The following CARMIL3 variants were observed in gnomAD, a reference collection of about 807,000 sequenced individuals.
CARMIL3 encodes the protein capping protein regulator and myosin 1 linker 3.
CARMIL3 carries 88 observed loss-of-function variants against 180.8 expected under a neutral mutation model. The ratio of observed to expected loss-of-function variants is 0.49; its 90% CI spans 0.41 to 0.58. The LOEUF is 0.58. CARMIL3 is among the 20% of genes least tolerant of loss of function. The pLI is 0.00. For missense variants in CARMIL3, 1,548 were observed against 1,787.0 expected (o/e 0.87, Z 2.41); for synonymous variants, 696 against 714.5 (o/e 0.97, Z 0.41).
intron 24 of CARMIL3, 90 bp from the exon 25 acceptor site, chr14:24,060,538 G>C: frequency 6.5e-7 from 1 of 1,539,216 alleles, no homozygotes; most frequent in Non-Finnish European, 8.8e-7. Context: ...ACCACTGTCG[G>C]TGCCAGCACC....
Position 24,068,778 on chromosome 14 carries a change from T to G in CARMIL3, c.3802-8T>G. 1 of 1,614,056 alleles carries G rather than the reference T, an allele frequency of 6.2e-7. No individual in the cohort carries two copies. The highest frequency in any genetic ancestry group is 8.5e-7 in the Non-Finnish European group (1 of 1,180,026). On this transcript the variant is annotated splice_region_variant and splice_polypyrimidine_tract_variant and intron_variant, in intron 37 of 39. Coordinates refer to ENST00000342740, the MANE Select transcript of CARMIL3 (RefSeq NM_138360.4). ...CTAACTGACCCAGCATCTTCCTTCC[T>G]CTGCCAGCTACAGGACCCCGCTCTA...
At chr14:24,062,664 G>T in intron 28 of CARMIL3, 45 bp from the exon 29 acceptor site, 3 of 1,611,386 alleles carry the variant, frequency 1.9e-6, no homozygotes, top group Non-Finnish European at 2.5e-6. Flanking sequence ...GCCCTGGGAG[G>T]TGGGCAGCTT....
At chr14:24,055,866 C>A in intron 10 of CARMIL3, 77 bp downstream of exon 10, 1 of 1,327,108 alleles carries the variant, frequency 7.5e-7, no homozygotes, top group Non-Finnish European at 1.1e-6. Flanking sequence ...GAGCATGATG[C>A]AGGCCTCTGG....
intron 29 of CARMIL3, 104 bp from the exon 30 acceptor site, chr14:24,063,015 GC>G: frequency 6.5e-7 from 1 of 1,550,292 alleles, no homozygotes; most frequent in Non-Finnish European, 8.8e-7. Context: ...CAGTGCCTCA[GC>G]CCCCTGAGGA....
chr14:24,061,445 A>T lies in CARMIL3; in HGVS notation c.2305-52A>T. 6.4e-7 allele frequency: 1 copy of T among 1,564,594 alleles called. No individual in the cohort carries two copies. Among genetic ancestry groups the T allele is most frequent in the Non-Finnish European group, 8.7e-7 (1 of 1,149,248 alleles). On this transcript the variant is annotated intron_variant, in intron 26 of 39. Transcript: ENST00000342740. The surrounding 1 kb of genome is among the most constrained non-coding windows in gnomAD (Gnocchi z 4.1). ...ATAAAGTCTCTTCTGCTGTGGTGCC[A>T]GCCCTGATCCTGTCCCCCTTGGGCC...
chr14:24,056,211 C>A, intron 10 of CARMIL3, 88 bp from the exon 11 acceptor site: 1 of 1,093,126 alleles, frequency 9.1e-7, no homozygotes, highest in Non-Finnish European at 1.3e-6. Context: ...CAGCCCCAGC[C>A]AGGCAGTCAG....
At chr14:24,062,901 T>C (rs2035746836) in intron 29 of CARMIL3, 55 bp downstream of exon 29, 2 of 1,564,160 alleles carry the variant, frequency 1.3e-6, no homozygotes, top group Admixed American at 1.8e-5. Context: ...CCCTTAAACC[T>C]GCACAACACT....
rs1400421556 is a variant in CARMIL3 at position 24,054,101 on chromosome 14, G to A, written c.149G>A (p.Trp50Ter). The A allele has an allele frequency of 6.2e-7, 1 of 1,613,792 alleles. No homozygotes were observed. Among genetic ancestry groups the A allele is most frequent in the Non-Finnish European group, 8.5e-7 (1 of 1,180,024 alleles). Residue 50 changes from tryptophan (W) to a stop codon, truncating the protein, a stop_gained, in exon 3 of 40, where the codon TGG (tryptophan) becomes TAG (stop). Transcript: ENST00000342740. LOFTEE classifies it high-confidence loss of function. The surrounding 1 kb of genome is among the most constrained non-coding windows in gnomAD (Gnocchi z 5.1). ...FEDRVLALTSWRLHLFLLKVP... is the reference protein window; with the variant it reads ...FEDRVLALTS The stretch of plus-strand genomic sequence containing the variant: ...CTCTCTCTGTAGGCCCTGACCTCCT[G>A]GCGCCTCCACCTCTTCCTCCTTAAA...
At chr14:24,069,046 G>A (rs2035826813) in intron 38 of CARMIL3, 80 bp downstream of exon 38, 2 of 1,587,646 alleles carry the variant, frequency 1.3e-6, no homozygotes, top group Admixed American at 3.4e-5. Flanking sequence ...TCCAGAGCAT[G>A]GAATGAGTGA....
In CARMIL3 at chr14:24,065,228, C is replaced by T. The variant is rs2035774344; in HGVS notation, c.3351C>T (p.Leu1117=). The change falls in exon 33 of 40, where the codon CTC becomes CTT. Residue 1117 remains leucine (L), a synonymous_variant. Transcript: ENST00000342740. ...CWSPEEESSL[L]PGFGGGRGPS... ...GCCCAGAGGAGGAGAGCAGCCTCCT[C>T]CCTGGATTTGGTGGGGGCCGGGGAC... 2 of 1,554,012 alleles carry T rather than the reference C, an allele frequency of 1.3e-6. No homozygotes were observed. Among genetic ancestry groups the T allele is most frequent in the Non-Finnish European group, 8.6e-7 (1 of 1,157,190 alleles).
In CARMIL3 at chr14:24,058,361, CCT is replaced by C; in HGVS notation, c.1392+141_1392+142del. The C allele has an allele frequency of 2.2e-6, 2 of 890,400 alleles. No individual in the cohort carries two copies. The highest frequency in any genetic ancestry group is 3.3e-5 in the South Asian group (2 of 60,750). The allele number at this position is 890,400 out of a possible 1,614,324, so 55.2% of individuals were successfully genotyped here. ...TGACCTGGCCACACCACCACTTTCC[CCT>C]CTCAGTCTGGCCTCTTTTCCAGAGG... On this transcript the variant is annotated intron_variant, in intron 17 of 39. Coordinates refer to ENST00000342740, the MANE Select transcript of CARMIL3 (RefSeq NM_138360.4). This position sits in a 1 kb window ranked among gnomAD's most constrained non-coding sequence, Gnocchi z 6.4.
intron 34 of CARMIL3, 73 bp from the exon 35 acceptor site, chr14:24,066,325 G>A: frequency 1.1e-5 from 17 of 1,540,730 alleles, no homozygotes; most frequent in Non-Finnish European, 1.5e-5. Context: ...AGATGCTAGA[G>A]CAGAAGCCCT....
chr14:24,064,865 A>C (rs2035768840), intron 32 of CARMIL3, 93 bp from the exon 33 acceptor site: 1 of 1,303,884 alleles, frequency 7.7e-7, no homozygotes, highest in Admixed American at 2.1e-5. Context: ...GCAGTGCAGC[A>C]GGGGAGACCA....
In CARMIL3 at chr14:24,064,283, C is replaced by T. The variant is rs1314529891; in HGVS notation, c.3017C>T (p.Ala1006Val). The T allele has an allele frequency of 1.2e-6, 2 of 1,612,780 alleles. No individual in the cohort carries two copies. The highest frequency in any genetic ancestry group is 1.1e-5 in the South Asian group (1 of 90,766). Reference protein sequence around the residue: ...APGTRQENGMATRLDEGLEDF... With the variant: ...APGTRQENGMVTRLDEGLEDF... Reference sequence around the variant, plus strand: ...GGGACTCGTCAGGAGAATGGGATGGCCACCCGCCTGGATGAAGGGCTGGAG... The same window carrying T: ...GGGACTCGTCAGGAGAATGGGATGGTCACCCGCCTGGATGAAGGGCTGGAG... The change falls in exon 32 of 40, where the codon GCC (alanine) becomes GTC (valine). Residue 1006 changes from alanine to valine, a missense_variant. By Grantham distance (64) the Ala-to-Val change is moderately conservative. Coordinates refer to ENST00000342740, the MANE Select transcript of CARMIL3 (RefSeq NM_138360.4).
intron 1 of CARMIL3, among the ~76,000 whole-genome samples, chr14:24,052,520 AGAG>A (rs2035627542): frequency 6.6e-6 from 1 of 152,004 alleles, no homozygotes. Context: ...TCCCATCCGG[AGAG>A]TCCCCGCTTC....
Position 24,064,328 on chromosome 14 carries a change from T to G in CARMIL3, c.3062T>G (p.Val1021Gly). The change falls in exon 32 of 40, where the codon GTC becomes GGC. Residue 1021 changes from valine (V) to glycine (G), a missense_variant. Val to Gly is a moderately radical substitution (Grantham distance 109). Coordinates refer to ENST00000342740, the MANE Select transcript of CARMIL3 (RefSeq NM_138360.4). ...EGLEDFFSRR[V>G]LEESSSYPRT... ...CTGGAGGACTTCTTCAGCCGAAGGG[T>G]CCTGGAGGAAAGTTCTAGGTGTGAT... is the stretch of plus-strand genomic sequence containing the variant. The G allele has an allele frequency of 6.2e-7, 1 of 1,611,438 alleles. No homozygotes were observed. The highest frequency in any genetic ancestry group is 8.5e-7 in the Non-Finnish European group (1 of 1,178,806).
rs2035692555 is a variant in CARMIL3 at position 24,058,086 on chromosome 14, G to T, written c.1322+22G>T. On this transcript the variant is annotated intron_variant, in intron 16 of 39. Transcript: ENST00000342740. This position sits in a 1 kb window ranked among gnomAD's most constrained non-coding sequence, Gnocchi z 6.4. ...TCAGGTCGGGTGGGTGCAGGGTTGG[G>T]GGCGCATCCAAGGGAACCACGGGGA... is the stretch of plus-strand genomic sequence containing the variant. The T allele has an allele frequency of 6.2e-7, 1 of 1,613,802 alleles. No homozygotes were observed. The highest frequency in any genetic ancestry group is 8.5e-7 in the Non-Finnish European group (1 of 1,179,976).
chr14:24,060,513 A>C, intron 24 of CARMIL3, 115 bp from the exon 25 acceptor site: 1 of 1,472,946 alleles, frequency 6.8e-7, no homozygotes, highest in Non-Finnish European at 9.2e-7. Context: ...CAGGCCAGCC[A>C]GAGACATCAC....
chr14:24,062,317 T>G (rs546677413), intron 27 of CARMIL3, 163 bp from the exon 28 acceptor site: 5 of 690,122 alleles, frequency 7.2e-6, no homozygotes, highest in African/African-American at 7.1e-5. Context: ...GAGAAATGAG[T>G]GTCAAGGGCT....
Sources: allele counts gnomAD v4.1 joint callset (sites outside exome capture counted in the v4.1 genomes callset), GRCh38; gene constraint gnomAD v4.1.1; non-coding constraint Gnocchi (gnomAD v3.1); transcripts MANE v1.5; gene names NCBI Gene and HGNC (gene_info 2026-07-23, HGNC 2026-07-21).